The following TBC1D4 variants were observed in gnomAD, a reference collection of about 807,000 sequenced individuals.
TBC1D4 encodes the protein TBC1 domain family member 4.
A neutral mutation model predicts 142.5 loss-of-function variants in TBC1D4; 121 were observed. That is an observed-to-expected ratio of 0.85 (90% CI 0.73 to 0.99). The LOEUF (loss-of-function observed/expected upper bound fraction) is 0.99, where lower values mean the gene tolerates loss of function less well. TBC1D4 is among the 50% of genes least tolerant of loss of function. The probability of loss-of-function intolerance (pLI) is 0.00; values close to 1 mark genes in which losing one functional copy is unlikely to be tolerated. For synonymous variants in TBC1D4, 630 were observed against 628.2 expected, an observed-to-expected ratio of 1.00 and a Z score of -0.04; for missense variants, 1,475 against 1,606.6, an observed-to-expected ratio of 0.92 and a Z score of 1.40.
intron 12 of TBC1D4, among the ~76,000 whole-genome samples, chr13:75,317,527 C>G (rs1878415871): frequency 6.6e-6 from 1 of 152,124 alleles, no homozygotes; most frequent in Non-Finnish European, 1.5e-5. Context: ...TATACATACA[C>G]TGGTATTTTA....
chr13:75,418,552 G>A (rs1001651898), intron 1 of TBC1D4, among the ~76,000 whole-genome samples: 1 of 152,114 alleles, frequency 6.6e-6, no homozygotes, highest in Admixed American at 6.5e-5. Flanking sequence ...ACTCTGAGAG[G>A]TCCCCTTAAG....
rs78516760 is a variant in TBC1D4, at chr13:75,478,136, A to G, written c.498+3134T>C. ...CACTCCCAGCTCTAAGGTCAAATGT[A>G]GATCCAACTCCAATATGTGAGTAGA... On this transcript the variant is annotated intron_variant, in intron 1 of 20. Transcript: ENST00000377636. 5.0e-3 allele frequency among the ~76,000 whole-genome samples: 766 copies of G among 152,360 alleles called. 6 individuals carry two copies. The highest frequency in any genetic ancestry group is 0.018 in the African/African-American group (742 of 41,576).
Position 75,299,407 on chromosome 13 carries a change from C to T in TBC1D4, c.3079G>A (p.Ala1027Thr), listed in dbSNP as rs373432604. The T allele has an allele frequency of 1.7e-5, 28 of 1,614,034 alleles. 1 individual carries two copies. The highest frequency in any genetic ancestry group is 5.3e-5 in the African/African-American group (4 of 74,920). The change falls in exon 17 of 21, where the codon GCC becomes ACC. Residue 1027 changes from alanine (A) to threonine (T), a missense_variant. Transcript: ENST00000377636. The part of the protein sequence containing the change: ...VLLLHMSEEQ[A>T]FEMLKFLMYD... The stretch of plus-strand genomic sequence containing the variant: ...ATGAGGAATTTCAGCATTTCAAAGG[C>T]TTGCTCTTCACTCATGTGCAGAAGC...
chr13:75,373,176 ATAT>A (rs1250888457), intron 1 of TBC1D4, among the ~76,000 whole-genome samples: 1 of 152,198 alleles, frequency 6.6e-6, no homozygotes, highest in Non-Finnish European at 1.5e-5. Flanking sequence ...TAAAGCTGTA[ATAT>A]TATCAGGAAA....
At chr13:75,307,615 G>A (rs574050306) in intron 14 of TBC1D4, among the ~76,000 whole-genome samples, 5 of 152,108 alleles carry the variant, frequency 3.3e-5, no homozygotes, top group South Asian at 2.1e-4. Context: ...CCAAGTCCTC[G>A]ACAGCACAAA....
chr13:75,370,839 G>A (rs1199979377), intron 1 of TBC1D4, among the ~76,000 whole-genome samples: 1 of 152,130 alleles, frequency 6.6e-6, no homozygotes, highest in Non-Finnish European at 1.5e-5. Context: ...GGTATTTAAA[G>A]CCATGAGATT....
chr13:75,300,194 T>C (rs897889397), intron 16 of TBC1D4, among the ~76,000 whole-genome samples: 4 of 152,170 alleles, frequency 2.6e-5, no homozygotes, highest in African/African-American at 9.7e-5. Context: ...TCTTTTTCAA[T>C]ATCTAAAAAT....
At chr13:75,352,888 AT>A (rs1881724702) in intron 4 of TBC1D4, among the ~76,000 whole-genome samples, 1 of 152,242 alleles carries the variant, frequency 6.6e-6, no homozygotes, top group Non-Finnish European at 1.5e-5. Context: ...GACTGATAAT[AT>A]TTAATTGACT....
intron 1 of TBC1D4, among the ~76,000 whole-genome samples, chr13:75,370,461 T>C (rs1055988115): frequency 1.6e-4 from 24 of 152,140 alleles, no homozygotes; most frequent in African/African-American, 5.8e-4. Context: ...GGGTGAGCCA[T>C]TGGTAGCTCA....
Position 75,326,244 on chromosome 13 carries a change from C to CT in TBC1D4, c.1985dup (p.Val664CysfsTer12). The CT allele has an allele frequency of 1.9e-6, 3 of 1,614,178 alleles. No individual in the cohort carries two copies. ...GCCTCAGCAGAGGGGAACGCACACCCTGAGCCCTCCCATCCTGCAAATTCA... is the reference window on the plus strand; with the variant it reads ...GCCTCAGCAGAGGGGAACGCACACCCTTGAGCCCTCCCATCCTGCAAATTCA... On this transcript the variant is annotated frameshift_variant, in exon 10 of 21. Transcript: ENST00000377636. LOFTEE classifies it high-confidence loss of function.
intron 5 of TBC1D4, among the ~76,000 whole-genome samples, chr13:75,344,662 C>T (rs947301194): frequency 3.9e-5 from 6 of 152,138 alleles, no homozygotes; most frequent in African/African-American, 7.2e-5. Flanking sequence ...CCTCAATTCA[C>T]TTCAGTCCAC....
intron 5 of TBC1D4, among the ~76,000 whole-genome samples, chr13:75,346,416 T>TGTTA (rs1370118625): frequency 1.3e-5 from 2 of 152,108 alleles, no homozygotes; most frequent in African/African-American, 4.8e-5. Context: ...TCTGTTCCTG[T>TGTTA]GTTAGTTTGC....
intron 12 of TBC1D4, 113 bp downstream of exon 12, chr13:75,319,897 CAGAA>C: frequency 9.4e-7 from 1 of 1,060,694 alleles, no homozygotes; most frequent in South Asian, 1.4e-5. Context: ...TCAGAGCACT[CAGAA>C]AGATGGCATG....
intron 1 of TBC1D4, among the ~76,000 whole-genome samples, chr13:75,479,957 G>A (rs893823621): frequency 6.6e-6 from 1 of 151,916 alleles, no homozygotes; most frequent in Admixed American, 6.6e-5. Flanking sequence ...ACTTGAACCC[G>A]GAAGGTGGAG....
chr13:75,309,492 T>C (rs1305180922), intron 14 of TBC1D4, among the ~76,000 whole-genome samples: 2 of 152,184 alleles, frequency 1.3e-5, no homozygotes, highest in Non-Finnish European at 2.9e-5. Flanking sequence ...TAGGATTTAC[T>C]TGAGGTAGGC....
At chr13:75,469,630 C>T (rs1339155288) in intron 1 of TBC1D4, among the ~76,000 whole-genome samples, 7 of 151,982 alleles carry the variant, frequency 4.6e-5, no homozygotes, top group African/African-American at 1.5e-4. Flanking sequence ...AAAACATTAG[C>T]CAGGCATGGT....
At chr13:75,452,876 G>A (rs1179370051) in intron 1 of TBC1D4, among the ~76,000 whole-genome samples, 2 of 152,102 alleles carry the variant, frequency 1.3e-5, no homozygotes, top group African/African-American at 4.8e-5. Flanking sequence ...AGCTTTTGGT[G>A]TGGCTGTTGT....
chr13:75,362,307 G>A lies in TBC1D4; in HGVS notation c.799C>T (p.Leu267=). ...VVVPGSPGDC[L]PEEADGTDTH... The stretch of plus-strand genomic sequence containing the variant: ...TCGGTGCCGTCAGCCTCCTCCGGCA[G>A]GCAGTCTCCGGGGGACCCGGGCACC... Residue 267 remains leucine (L), a synonymous_variant, in exon 2 of 21, where the codon CTG becomes TTG. Transcript: ENST00000377636. This position sits in a 1 kb window ranked among gnomAD's most constrained non-coding sequence, Gnocchi z 4.2. 6.2e-7 allele frequency: 1 copy of A among 1,613,970 alleles called. No homozygotes were observed. Among genetic ancestry groups the A allele is most frequent in the African/African-American group, 1.3e-5 (1 of 75,060 alleles).
chr13:75,443,411 C>T lies in TBC1D4; in HGVS notation c.498+37859G>A, dbSNP rs185104309. Among the ~76,000 whole-genome samples, 624 of 152,270 alleles carry T rather than the reference C, an allele frequency of 4.1e-3. 2 individuals carry two copies. Among genetic ancestry groups the T allele is most frequent in the African/African-American group, 0.014 (564 of 41,556 alleles). On this transcript the variant is annotated intron_variant, in intron 1 of 20. Transcript: ENST00000377636. ...ATTTAATTATATCTAAATCAAAGCA[C>T]ACTGCCAAGTGTGGGTAAGATCAGG... is the stretch of plus-strand genomic sequence containing the variant.
Sources: gnomAD v4.1 joint callset for allele counts (sites outside exome capture counted in the v4.1 genomes callset) on GRCh38, gnomAD v4.1.1 for gene constraint, Gnocchi (gnomAD v3.1) non-coding constraint, MANE v1.5 for transcripts, NCBI Gene and HGNC (gene_info 2026-07-23, HGNC 2026-07-21) for gene names.